The following MET variants were observed in gnomAD, a reference collection of about 807,000 sequenced individuals.
MET encodes the protein hepatocyte growth factor receptor.
A neutral mutation model predicts 133.1 loss-of-function variants in MET; 48 were observed. The ratio of observed to expected loss-of-function variants is 0.36; its 90% CI spans 0.29 to 0.46. The LOEUF (loss-of-function observed/expected upper bound fraction) is 0.46. Among genes scored for constraint, MET ranks in the 20% least tolerant of loss-of-function variants. The probability of loss-of-function intolerance (pLI) is 1.00; values close to 1 mark genes in which losing one functional copy is unlikely to be tolerated. For synonymous variants in MET, 628 were observed against 616.5 expected (o/e 1.02, Z -0.28); for missense variants, 1,442 against 1,695.9 (o/e 0.85, Z 2.63).
intron 12 of MET, 123 bp downstream of exon 12, chr7:116,769,914 T>C (rs1338455902): frequency 1.5e-6 from 2 of 1,334,252 alleles, no homozygotes; most frequent in Non-Finnish European, 2.1e-6. Context: ...CAACTCAGCC[T>C]GCATTCCTAG....
At chr7:116,708,233 T>C (rs1462872866) in intron 2 of MET, among the ~76,000 whole-genome samples, 1 of 152,174 alleles carries the variant, frequency 6.6e-6, no homozygotes, top group African/African-American at 2.4e-5. Context: ...CTAAATTTGG[T>C]AGTTGAGTCA....
intron 19 of MET, among the ~76,000 whole-genome samples, chr7:116,795,382 A>G (rs558435638): frequency 1.3e-5 from 2 of 152,332 alleles, no homozygotes; most frequent in South Asian, 4.1e-4. Flanking sequence ...TTTGGAAGAG[A>G]TATTCTACCA....
intron 2 of MET, among the ~76,000 whole-genome samples, chr7:116,722,905 GC>G (rs1265671115): frequency 6.7e-6 from 1 of 148,420 alleles, no homozygotes; most frequent in Non-Finnish European, 1.5e-5. Flanking sequence ...CTCTCTGGCT[GC>G]CCTTAACATT....
rs144559852 is a variant in MET, at chr7:116,797,368, G to T, written c.*1244G>T. The T allele has an allele frequency of 1.2e-4, 27 of 225,266 alleles. No homozygotes were observed. Among genetic ancestry groups the T allele is most frequent in the Middle Eastern group, 1.3e-3 (1 of 786 alleles). The allele number at this position is 225,266 out of a possible 1,614,324, so 14.0% of individuals were successfully genotyped here. A position where few individuals can be genotyped will look rare whatever the true frequency, so the allele number is the denominator to read the frequency against. On this transcript the variant is annotated 3_prime_UTR_variant, in exon 21 of 21. Transcript: ENST00000397752. ...TGTCTCGGTGGCAGGTTCCCACCTC[G>T]CAAGCAATTGGAAACAAAACTTTTG...
intron 5 of MET, among the ~76,000 whole-genome samples, chr7:116,744,235 C>A (rs1423408175): frequency 6.6e-6 from 1 of 152,004 alleles, no homozygotes; most frequent in African/African-American, 2.4e-5. Flanking sequence ...TAATAACAAA[C>A]TCCTCCAAGC....
At position 116,699,378 on chromosome 7, in the gene MET, T is replaced by C. The variant is rs2116585117; in HGVS notation, c.294T>C (p.Cys98=). The change falls in exon 2 of 21, where the codon TGT becomes TGC. Residue 98 remains cysteine (C), a synonymous_variant. Transcript: ENST00000397752. ...TGGAACACCCAGATTGTTTCCCATG[T>C]CAGGACTGCAGCAGCAAAGCCAATT... ...PVLEHPDCFP[C]QDCSSKANLS... 1.9e-6 allele frequency: 3 copies of C among 1,614,046 alleles called. No homozygotes were observed. Among genetic ancestry groups the C allele is most frequent in the Non-Finnish European group, 8.5e-7 (1 of 1,179,954 alleles).
chr7:116,781,171 C>G (rs1795143604), intron 17 of MET, among the ~76,000 whole-genome samples: 2 of 152,152 alleles, frequency 1.3e-5, no homozygotes, highest in African/African-American at 4.8e-5. Flanking sequence ...AGCTCCAAAC[C>G]TGCTTACCCT....
In MET at chr7:116,797,826, G is replaced by C; in HGVS notation, c.*1702G>C. The C allele has an allele frequency of 4.5e-6, 1 of 224,466 alleles. No individual in the cohort carries two copies. The highest frequency in any genetic ancestry group is 8.9e-6 in the Non-Finnish European group (1 of 112,552). The allele number at this position is 224,466 out of a possible 1,614,324, so 13.9% of individuals were successfully genotyped here. On this transcript the variant is annotated 3_prime_UTR_variant, in exon 21 of 21. Coordinates refer to ENST00000397752, the MANE Select transcript of MET (RefSeq NM_000245.4). ...TTACATCATCAGGACTTGAAGCCAA[G>C]GGTTAACCCAGCAAGCTACAAAGAG...
At chr7:116,765,040 C>T (rs1794568190) in intron 11 of MET, among the ~76,000 whole-genome samples, 1 of 152,096 alleles carries the variant, frequency 6.6e-6, no homozygotes, top group African/African-American at 2.4e-5. Context: ...TAGCTCATAC[C>T]TGTAATCCCA....
chr7:116,678,138 A>G (rs919222827), intron 1 of MET, among the ~76,000 whole-genome samples: 8 of 152,188 alleles, frequency 5.3e-5, no homozygotes, highest in African/African-American at 1.9e-4. Flanking sequence ...ATTTTTCCAA[A>G]GGAATAAAAG....
intron 16 of MET, among the ~76,000 whole-genome samples, chr7:116,778,281 T>C (rs1795053077): frequency 6.6e-6 from 1 of 152,236 alleles, no homozygotes; most frequent in Admixed American, 6.5e-5. Context: ...GCTTGCAAAT[T>C]GCAGCAGCCT....
intron 4 of MET, 137 bp downstream of exon 4, chr7:116,740,221 A>G (rs1793392387): frequency 2.1e-6 from 2 of 954,976 alleles, no homozygotes; most frequent in Admixed American, 3.7e-5. Flanking sequence ...TTTAGTGAGT[A>G]TTCCAGAGAT....
At chr7:116,789,145 C>G (rs1281099493) in intron 19 of MET, among the ~76,000 whole-genome samples, 2 of 152,098 alleles carry the variant, frequency 1.3e-5, no homozygotes, top group African/African-American at 4.8e-5. Flanking sequence ...TCCAGTTTTC[C>G]TCCTGCTTCT....
At chr7:116,716,289 GAGA>G (rs1562892891) in intron 2 of MET, among the ~76,000 whole-genome samples, 6 of 37,850 alleles carry the variant, frequency 1.6e-4, no homozygotes, top group African/African-American at 3.6e-4. Flanking sequence ...GAGAGGGAGA[GAGA>G]GAGAGAGAGA....
intron 14 of MET, 123 bp from the exon 15 acceptor site, chr7:116,774,758 T>C (rs896570514): frequency 6.7e-6 from 5 of 745,770 alleles, no homozygotes; most frequent in South Asian, 6.4e-5. Context: ...TATAACTTAG[T>C]ATCTTTTCCC....
chr7:116,723,113 G>T lies in MET; in HGVS notation c.1201-8555G>T, dbSNP rs1176403422. On this transcript the variant is annotated intron_variant, in intron 2 of 20. Transcript: ENST00000397752. ...GTTCCATTCTCCCCATCACTTTCAGGTACACCAATCAGACGTAGATTTGGT... is the reference window on the plus strand; with the variant it reads ...GTTCCATTCTCCCCATCACTTTCAGTTACACCAATCAGACGTAGATTTGGT... Among the ~76,000 whole-genome samples the T allele has an allele frequency of 4.6e-4, 62 of 135,748 alleles. 1 individual carries two copies. In the East Asian group the frequency reaches 7.0e-3, roughly 15 times the overall value. The allele number at this position is 135,748 out of a possible 152,430, so 89.1% of individuals were successfully genotyped here. A position where few individuals can be genotyped will look rare whatever the true frequency, so the allele number is the denominator to read the frequency against.
At chr7:116,748,678 G>T (rs1023535758) in intron 5 of MET, among the ~76,000 whole-genome samples, 1 of 151,914 alleles carries the variant, frequency 6.6e-6, no homozygotes, top group East Asian at 1.9e-4. Flanking sequence ...CTGGTTTTTT[G>T]AAAAGATCAA....
intron 6 of MET, among the ~76,000 whole-genome samples, chr7:116,756,243 A>G (rs1335813441): frequency 6.6e-6 from 1 of 152,226 alleles, no homozygotes; most frequent in Non-Finnish European, 1.5e-5. Flanking sequence ...ACCCTTCTAC[A>G]AGCTTTGAAT....
intron 19 of MET, among the ~76,000 whole-genome samples, chr7:116,785,170 C>T (rs1795273624): frequency 6.6e-6 from 1 of 152,256 alleles, no homozygotes; most frequent in African/African-American, 2.4e-5. Context: ...TGTGGCTCTA[C>T]AGGGCTCAGC....
Sources: allele counts gnomAD v4.1 joint callset (sites outside exome capture counted in the v4.1 genomes callset), GRCh38; gene constraint gnomAD v4.1.1; transcripts MANE v1.5; gene names NCBI Gene and HGNC (gene_info 2026-07-23, HGNC 2026-07-21).